The following NRG3 variants were observed in gnomAD, a reference collection of about 807,000 sequenced individuals.
The protein encoded by NRG3 is neuregulin 3.
In NRG3, 31 loss-of-function variants were observed where a neutral mutation model predicts 66.9. The observed-to-expected ratio is 0.46, with a 90% CI of 0.35 to 0.63. The LOEUF (loss-of-function observed/expected upper bound fraction) is 0.63, where lower values mean the gene tolerates loss of function less well. Ranked by LOEUF, NRG3 falls within the 20% of genes least tolerant of loss-of-function variation. The pLI is 0.00. For synonymous variants in NRG3, 393 were observed against 359.4 expected (o/e 1.09, Z -1.06); for missense variants, 910 against 878.9 (o/e 1.04, Z -0.45).
chr10:82,142,780 T>C (rs934752980), intron 1 of NRG3, among the ~76,000 whole-genome samples: 1 of 149,272 alleles, frequency 6.7e-6, no homozygotes, highest in Non-Finnish European at 1.5e-5. Context: ...TTTTTTTTTT[T>C]TTTTTGAGAC....
At chr10:82,969,423 C>T (rs892704281) in intron 6 of NRG3, among the ~76,000 whole-genome samples, 2 of 152,168 alleles carry the variant, frequency 1.3e-5, no homozygotes, top group African/African-American at 4.8e-5. Context: ...ATGAAGCACA[C>T]ATAGAGGTAT....
chr10:82,351,575 C>G (rs749259853), intron 1 of NRG3, among the ~76,000 whole-genome samples: 34 of 152,244 alleles, frequency 2.2e-4, no homozygotes, highest in Middle Eastern at 6.8e-3. Flanking sequence ...ACTCAGTTCT[C>G]TTTGAAGTTT....
intron 4 of NRG3, among the ~76,000 whole-genome samples, chr10:82,897,969 G>A (rs1843822598): frequency 6.6e-6 from 1 of 152,160 alleles, no homozygotes; most frequent in Admixed American, 6.5e-5. Flanking sequence ...CTTACTATAA[G>A]GAGGAAGACA....
intron 2 of NRG3, among the ~76,000 whole-genome samples, chr10:82,521,372 G>A (rs949272249): frequency 1.3e-5 from 2 of 151,874 alleles, no homozygotes; most frequent in Admixed American, 6.6e-5. Context: ...AGACAGTCTC[G>A]CACTGTCGCC....
At chr10:82,661,408 GTATA>G (rs1401153464) in intron 2 of NRG3, among the ~76,000 whole-genome samples, 2 of 151,660 alleles carry the variant, frequency 1.3e-5, no homozygotes, top group Non-Finnish European at 2.9e-5. Flanking sequence ...ATTGTAACAA[GTATA>G]TATAAGTAAT....
Position 82,173,420 on chromosome 10 carries a change from CAGAT to C in NRG3, c.824-185315_824-185312del, listed in dbSNP as rs544552492. 6.9e-4 allele frequency among the ~76,000 whole-genome samples: 105 copies of C among 152,024 alleles called. 1 individual carries two copies. The highest frequency in any genetic ancestry group is 6.2e-3 in the Admixed American group (95 of 15,230). On this transcript the variant is annotated intron_variant, in intron 1 of 8. Coordinates refer to ENST00000372141, the MANE Select transcript of NRG3 (RefSeq NM_001010848.4). Reference sequence around the variant, plus strand: ...TGCTGATGTAAAATATAAATATAAACAGATAGAAGCCTGGACCATACATATGAGT... The same window carrying C: ...TGCTGATGTAAAATATAAATATAAACAGAAGCCTGGACCATACATATGAGT...
chr10:82,948,533 T>C (rs1041022238), intron 4 of NRG3, among the ~76,000 whole-genome samples: 4 of 152,128 alleles, frequency 2.6e-5, no homozygotes, highest in African/African-American at 7.2e-5. Flanking sequence ...TGGGGAGAAT[T>C]GACATCTTAA....
chr10:82,208,109 AG>A (rs1256615898), intron 1 of NRG3, among the ~76,000 whole-genome samples: 2 of 152,172 alleles, frequency 1.3e-5, no homozygotes, highest in Non-Finnish European at 2.9e-5. Context: ...ACTGAAATAT[AG>A]GGAAGTTTTT....
At chr10:82,823,406 G>C (rs1357172095) in intron 3 of NRG3, among the ~76,000 whole-genome samples, 1 of 152,190 alleles carries the variant, frequency 6.6e-6, no homozygotes, top group Non-Finnish European at 1.5e-5. Context: ...CAAATCCAAA[G>C]AAGCATCATT....
At chr10:82,706,701 T>C (rs2056311849) in intron 2 of NRG3, among the ~76,000 whole-genome samples, 1 of 152,140 alleles carries the variant, frequency 6.6e-6, no homozygotes, top group Admixed American at 6.6e-5. Flanking sequence ...CAAAAAGAAA[T>C]ATAAATTTGA....
intron 2 of NRG3, among the ~76,000 whole-genome samples, chr10:82,489,977 G>A (rs1187409447): frequency 6.6e-6 from 1 of 152,132 alleles, no homozygotes; most frequent in Non-Finnish European, 1.5e-5. Context: ...GAAAGATAGG[G>A]AAGCCAAGGC....
At chr10:82,097,087 T>G (rs2066396408) in intron 1 of NRG3, among the ~76,000 whole-genome samples, 1 of 152,128 alleles carries the variant, frequency 6.6e-6, no homozygotes, top group African/African-American at 2.4e-5. Context: ...TACCCATTTA[T>G]AGTTAATTCC....
chr10:82,929,578 A>T (rs919749889), intron 4 of NRG3, among the ~76,000 whole-genome samples: 2 of 152,120 alleles, frequency 1.3e-5, no homozygotes, highest in Non-Finnish European at 2.9e-5. Flanking sequence ...TGTTCACTTG[A>T]TCAGTGTAGC....
rs1589310356 is a variant in NRG3 at position 81,875,278 on chromosome 10, C to T, written c.-63C>T. Reference sequence around the variant, plus strand: ...GCCCGCGCCCGCGCCCGCGCCCGGCCCGCGCGGCCCCATGCCTCTGCCGCG... The same window carrying T: ...GCCCGCGCCCGCGCCCGCGCCCGGCTCGCGCGGCCCCATGCCTCTGCCGCG... On this transcript the variant is annotated 5_prime_UTR_variant, in exon 1 of 9. Coordinates refer to ENST00000372141, the MANE Select transcript of NRG3 (RefSeq NM_001010848.4). This position sits in a 1 kb window ranked among gnomAD's most constrained non-coding sequence, Gnocchi z 5.3. 2.7e-5 allele frequency: 26 copies of T among 973,012 alleles called. No homozygotes were observed. Among genetic ancestry groups the T allele is most frequent in the Non-Finnish European group, 2.9e-5 (24 of 821,134 alleles). 60.3% of individuals were successfully genotyped at this position (973,012 alleles called of 1,614,324 possible).
At chr10:81,936,113 A>G (rs142263376) in intron 1 of NRG3, among the ~76,000 whole-genome samples, 277 of 152,256 alleles carry the variant, frequency 1.8e-3, no homozygotes, top group African/African-American at 6.4e-3. Context: ...TTATGTGCCT[A>G]TGGAATAGAG....
At chr10:81,935,476 T>A (rs1263593898) in intron 1 of NRG3, among the ~76,000 whole-genome samples, 1 of 152,164 alleles carries the variant, frequency 6.6e-6, no homozygotes, top group Non-Finnish European at 1.5e-5. Context: ...GCTGAGAAAC[T>A]TTAGAGTCAG....
At chr10:82,260,693 T>C (rs1447166123) in intron 1 of NRG3, among the ~76,000 whole-genome samples, 1 of 152,006 alleles carries the variant, frequency 6.6e-6, no homozygotes, top group East Asian at 1.9e-4. Flanking sequence ...TTTCACTGAG[T>C]AAAATTAGGG....
At chr10:82,836,323 T>A (rs1477299475) in intron 3 of NRG3, among the ~76,000 whole-genome samples, 1 of 152,142 alleles carries the variant, frequency 6.6e-6, no homozygotes, top group African/African-American at 2.4e-5. Flanking sequence ...CTGCAGGACA[T>A]AAGGAAAGAA....
chr10:82,817,903 G>T (rs113504935), intron 3 of NRG3, among the ~76,000 whole-genome samples: 84 of 152,318 alleles, frequency 5.5e-4, no homozygotes, highest in African/African-American at 1.9e-3. Context: ...TAGGCAAAGT[G>T]TAAGAACAAT....
Sources: allele counts gnomAD v4.1 joint callset (sites outside exome capture counted in the v4.1 genomes callset), GRCh38; gene constraint gnomAD v4.1.1; non-coding constraint Gnocchi (gnomAD v3.1); transcripts MANE v1.5; gene names NCBI Gene and HGNC (gene_info 2026-07-23, HGNC 2026-07-21).